The following USP47 variants were observed in gnomAD, a reference collection of about 807,000 sequenced individuals.
USP47 encodes ubiquitin specific peptidase 47, also known as ubiquitin carboxyl-terminal hydrolase 47.
In USP47, 35 loss-of-function variants were observed where a neutral mutation model predicts 165.1. The observed-to-expected ratio is 0.21, with a 90% CI of 0.16 to 0.28. The LOEUF (loss-of-function observed/expected upper bound fraction) is 0.28, where lower values mean the gene tolerates loss of function less well. USP47 is among the 10% of genes least tolerant of loss of function. The probability of loss-of-function intolerance (pLI) is 1.00; values close to 1 mark genes in which losing one functional copy is unlikely to be tolerated. For synonymous variants in USP47, 531 were observed against 544.5 expected, an observed-to-expected ratio of 0.98 and a Z score of 0.35; for missense variants, 1,277 against 1,607.4, an observed-to-expected ratio of 0.79 and a Z score of 3.52.
In USP47 at chr11:11,929,951, AT is replaced by A. The variant is rs111607521; in HGVS notation, c.1519-90del. On this transcript the variant is annotated intron_variant, in intron 12 of 27. Transcript: ENST00000527733. ...AGCAATCATGAAGGTCTTTGATAGC[AT>A]TTAACTCTGAGGCTAAAGATTGAGT... is the stretch of plus-strand genomic sequence containing the variant. The A allele has an allele frequency of 9.5e-5, 99 of 1,046,750 alleles. 2 individuals are homozygous for A. The African/African-American group carries it at 1.3e-3, about 13-fold the overall frequency. The allele number at this position is 1,046,750 out of a possible 1,614,324, so 64.8% of individuals were successfully genotyped here. A position where few individuals can be genotyped will look rare whatever the true frequency, so the allele number is the denominator to read the frequency against.
rs76177116 is a variant in USP47, at chr11:11,929,301, G to A, written c.1387-133G>A. The A allele has an allele frequency of 4.2e-3, 5,312 of 1,258,228 alleles. 14 individuals carry two copies. The highest frequency in any genetic ancestry group is 9.0e-3 in the South Asian group (521 of 57,772). 77.9% of individuals were successfully genotyped at this position (1,258,228 alleles called of 1,614,324 possible). A position where few individuals can be genotyped will look rare whatever the true frequency, so the allele number is the denominator to read the frequency against. ...AACTTGCCATTTTTGTTTTACCTTA[G>A]GGGAAAGTTGACCTGTAATATATAG... On this transcript the variant is annotated intron_variant, in intron 11 of 27. Transcript: ENST00000527733.
chr11:11,854,024 A>C (rs1208214070), intron 1 of USP47, among the ~76,000 whole-genome samples: 1 of 150,838 alleles, frequency 6.6e-6, no homozygotes, highest in Non-Finnish European at 1.5e-5. Context: ...AGTCCCAGCT[A>C]CTCAGGAGGC....
At position 11,920,481 on chromosome 11, in the gene USP47, A is replaced by G. The variant is rs375823623; in HGVS notation, c.1205A>G (p.Asp402Gly). 19 of 1,602,934 alleles carry G rather than the reference A, an allele frequency of 1.2e-5. No individual in the cohort carries two copies. In the African/African-American group the frequency reaches 1.3e-4, roughly 11 times the overall value. ...GAACTAGATATGAGTACTTTTATTG[A>G]TGTTGAAGATGAGGTAAATATTTGT... ...PEELDMSTFI[D>G]VEDEKSPQTE... Residue 402 changes from aspartate to glycine, a missense_variant, in exon 10 of 28, where the codon GAT (aspartate) becomes GGT (glycine). Around this residue, in one of 4 missense-constraint regions of USP47, gnomAD observed 175 missense variants for 295.8 expected, o/e 0.59. Transcript: ENST00000527733.
In USP47 at chr11:11,930,816, C is replaced by T; in HGVS notation, c.1651+65C>T. The stretch of plus-strand genomic sequence containing the variant: ...TAAACTAATTTCTTTTGTAAGTTTG[C>T]AAACCCAGATAACTACTTTTAAATG... On this transcript the variant is annotated intron_variant, in intron 14 of 27. Transcript: ENST00000527733. 3.0e-6 allele frequency: 4 copies of T among 1,340,446 alleles called. No homozygotes were observed. In the South Asian group the frequency reaches 5.3e-5, roughly 18 times the overall value. 83.0% of individuals were successfully genotyped at this position (1,340,446 alleles called of 1,614,324 possible). A position where few individuals can be genotyped will look rare whatever the true frequency, so the allele number is the denominator to read the frequency against.
At chr11:11,936,566 GTTTTT>G (rs531900904) in intron 17 of USP47, 56 bp downstream of exon 17, 3 of 1,108,224 alleles carry the variant, frequency 2.7e-6, no homozygotes, top group African/African-American at 3.3e-5. Flanking sequence ...TCATGAGAAA[GTTTTT>G]TTTTTTATTG....
At chr11:11,878,524 T>A (rs1243543778) in intron 1 of USP47, 1 of 152,214 alleles carries the variant, frequency 6.6e-6, no homozygotes, top group Non-Finnish European at 1.5e-5. Context: ...AATAATCTAT[T>A]AAATGTGTTA....
At chr11:11,927,962 T>A (rs553742043) in intron 11 of USP47, among the ~76,000 whole-genome samples, 8 of 152,072 alleles carry the variant, frequency 5.3e-5, no homozygotes, top group Non-Finnish European at 1.0e-4. Context: ...AATAGATATA[T>A]ACAATTCTAA....
intron 1 of USP47, among the ~76,000 whole-genome samples, chr11:11,859,621 A>G (rs1009071405): frequency 6.6e-5 from 10 of 152,196 alleles, no homozygotes; most frequent in African/African-American, 2.4e-4. Flanking sequence ...CTGCATCCCC[A>G]AAAGATAATC....
intron 21 of USP47, 25 bp from the exon 22 acceptor site, chr11:11,948,453 C>CT (rs1441141259): frequency 4.4e-5 from 70 of 1,583,532 alleles, no homozygotes; most frequent in Non-Finnish European, 5.9e-5. Flanking sequence ...GACAGCATGT[C>CT]TAAAAAAATG....
chr11:11,887,821 C>A (rs1851261256), intron 3 of USP47, among the ~76,000 whole-genome samples: 1 of 152,122 alleles, frequency 6.6e-6, no homozygotes, highest in South Asian at 2.1e-4. Context: ...ATCACATAAT[C>A]AGAAGTAAAA....
At chr11:11,919,539 C>T (rs1283936359) in intron 8 of USP47, among the ~76,000 whole-genome samples, 1 of 151,778 alleles carries the variant, frequency 6.6e-6, no homozygotes, top group Non-Finnish European at 1.5e-5. Context: ...GAAAAGAGAA[C>T]CACGTGGTTC....
intron 20 of USP47, chr11:11,943,973 C>G (rs1344383130): frequency 6.6e-6 from 1 of 151,690 alleles, no homozygotes; most frequent in Non-Finnish European, 1.5e-5. Context: ...GTAAAGCAAA[C>G]ATTAGTATCC....
In USP47 at chr11:11,958,127, A is replaced by G. The variant is rs1979687; in HGVS notation, c.*1952A>G. On this transcript the variant is annotated 3_prime_UTR_variant, in exon 28 of 28. Transcript: ENST00000527733. ...TGCTTTAAAGGACTGACTTGCTATCACACAAAAGAGGCAGACTTGTAAACA... is the reference window on the plus strand; with the variant it reads ...TGCTTTAAAGGACTGACTTGCTATCGCACAAAAGAGGCAGACTTGTAAACA... 0.37 allele frequency: 56,528 copies of G among 152,096 alleles called. 10,765 individuals carry two copies. The highest frequency in any genetic ancestry group is 0.44 in the East Asian group (2,276 of 5,168). 9.4% of individuals were successfully genotyped at this position (152,096 alleles called of 1,614,324 possible).
intron 1 of USP47, among the ~76,000 whole-genome samples, chr11:11,861,620 T>A (rs1343534254): frequency 1.3e-5 from 2 of 152,196 alleles, no homozygotes. Context: ...TTTTATTTAT[T>A]TTCTAATTTT....
chr11:11,892,925 G>C (rs1319131403), intron 4 of USP47, among the ~76,000 whole-genome samples: 1 of 151,728 alleles, frequency 6.6e-6, no homozygotes, highest in African/African-American at 2.4e-5. Context: ...CTCCAGAAAG[G>C]AAAGTCTGTG....
intron 25 of USP47, among the ~76,000 whole-genome samples, chr11:11,953,306 T>G (rs1322688909): frequency 1.3e-5 from 2 of 152,208 alleles, no homozygotes; most frequent in African/African-American, 4.8e-5. Flanking sequence ...GGTGAATTAG[T>G]CAATCTGTGG....
At chr11:11,898,270 A>T (rs752759453) in intron 5 of USP47, among the ~76,000 whole-genome samples, 1 of 152,126 alleles carries the variant, frequency 6.6e-6, no homozygotes, top group South Asian at 2.1e-4. Context: ...ATTATGACAC[A>T]TTTAACACAC....
chr11:11,875,657 G>A (rs1002906762), intron 1 of USP47, among the ~76,000 whole-genome samples: 1 of 151,970 alleles, frequency 6.6e-6, no homozygotes, highest in East Asian at 1.9e-4. Flanking sequence ...AGGCTGGAGT[G>A]CAGTGGCACG....
rs530462579 is a variant in USP47, at chr11:11,902,139, G to A, written c.594-576G>A. On this transcript the variant is annotated intron_variant, in intron 5 of 27. Transcript: ENST00000527733. ...AAATTATATCTCAGGTCAGGGCTAC[G>A]ATTTCCCTGATTGCGTCATTTAACA... Among the ~76,000 whole-genome samples the A allele has an allele frequency of 3.3e-5, 5 of 152,144 alleles. No homozygotes were observed. The South Asian group carries it at 8.3e-4, about 25-fold the overall frequency.
Sources: allele counts gnomAD v4.1 joint callset (sites outside exome capture counted in the v4.1 genomes callset), GRCh38; gene constraint gnomAD v4.1.1; regional missense constraint gnomAD v4.1.1; transcripts MANE v1.5; gene names NCBI Gene and HGNC (gene_info 2026-07-23, HGNC 2026-07-21).